KATNIP: variants seen among roughly 807,000 people sequenced by gnomAD.
The protein encoded by KATNIP is katanin interacting protein.
Under a neutral mutation model 174.0 loss-of-function variants are expected in KATNIP, and 126 were observed. That is an observed-to-expected ratio of 0.72 (90% CI 0.63 to 0.84). The LOEUF (loss-of-function observed/expected upper bound fraction) is 0.84. KATNIP is among the 40% of genes least tolerant of loss of function. The probability of loss-of-function intolerance (pLI) is 0.00; values close to 1 mark genes in which losing one functional copy is unlikely to be tolerated. For missense variants in KATNIP, 1,958 were observed against 2,109.7 expected (o/e 0.93, Z 1.41); for synonymous variants, 810 against 835.7 (o/e 0.97, Z 0.53).
chr16:27,723,505 A>G (rs998429202), intron 14 of KATNIP, among the ~76,000 whole-genome samples: 7 of 151,394 alleles, frequency 4.6e-5, no homozygotes, highest in African/African-American at 1.7e-4. Context: ...CTTCTCTGGG[A>G]CCTCATGAAC....
rs758276732 is a variant in KATNIP at position 27,740,565 on chromosome 16, A to G, written c.2268A>G (p.Gln756=). The G allele has an allele frequency of 5.0e-6, 8 of 1,613,914 alleles. No homozygotes were observed. The Admixed American group carries it at 8.3e-5, about 17-fold the overall frequency. The change falls in exon 15 of 28, where the codon CAA becomes CAG. Residue 756 remains glutamine, a synonymous_variant. Transcript: ENST00000261588. ...CCGGGAAAACCCCATCCTGGTTACA[A>G]CCTTCTCCCACCGGCAAGGACAGGA... is the stretch of plus-strand genomic sequence containing the variant. ...EPPGKTPSWL[Q]PSPTGKDRKQ... is the part of the protein sequence containing the mutation.
At chr16:27,768,186 G>T (rs995228030) in intron 20 of KATNIP, among the ~76,000 whole-genome samples, 1 of 152,190 alleles carries the variant, frequency 6.6e-6, no homozygotes, top group African/African-American at 2.4e-5. Context: ...AGGCCTTCCC[G>T]AGCACCAGGG....
At chr16:27,646,502 T>G (rs150848058) in intron 5 of KATNIP, among the ~76,000 whole-genome samples, 20 of 152,258 alleles carry the variant, frequency 1.3e-4, no homozygotes, top group Non-Finnish European at 2.8e-4. Context: ...GACTGAGAGT[T>G]GGGAGGAAAT....
In KATNIP at chr16:27,662,015, T is replaced by TAC. The variant is rs1380798766; in HGVS notation, c.540+13284_540+13285dup. On this transcript the variant is annotated intron_variant, in intron 6 of 27. Coordinates refer to ENST00000261588, the MANE Select transcript of KATNIP (RefSeq NM_015202.5). Reference sequence around the variant, plus strand: ...ATACATATATATATATATATATATATACACATACATATATATATATATATA... The same window carrying TAC: ...ATACATATATATATATATATATATATACACACATACATATATATATATATATA... Among the ~76,000 whole-genome samples the TAC allele has an allele frequency of 5.7e-4, 19 of 33,498 alleles. 8 individuals are homozygous for TAC. The East Asian group carries it at 7.6e-3, about 13-fold the overall frequency. 22.0% of individuals were successfully genotyped at this position (33,498 alleles called of 152,430 possible). A position where few individuals can be genotyped will look rare whatever the true frequency, so the allele number is the denominator to read the frequency against.
intron 2 of KATNIP, among the ~76,000 whole-genome samples, chr16:27,599,516 A>G (rs1430520584): frequency 2.6e-5 from 4 of 152,094 alleles, no homozygotes; most frequent in Non-Finnish European, 5.9e-5. Context: ...CCGTCCCTCC[A>G]ATGATGCAGG....
intron 6 of KATNIP, among the ~76,000 whole-genome samples, chr16:27,662,573 A>G (rs1422270526): frequency 2.6e-5 from 4 of 152,170 alleles, no homozygotes; most frequent in Non-Finnish European, 5.9e-5. Flanking sequence ...AATGATGCTG[A>G]ACAAGCACTA....
At chr16:27,626,237 T>C (rs1596980577) in intron 3 of KATNIP, among the ~76,000 whole-genome samples, 1 of 149,482 alleles carries the variant, frequency 6.7e-6, no homozygotes, top group East Asian at 2.0e-4. Flanking sequence ...CATGTTTCTA[T>C]AGAGTCTTCA....
chr16:27,743,857 C>T (rs571358745), intron 15 of KATNIP, among the ~76,000 whole-genome samples: 175 of 152,308 alleles, frequency 1.1e-3, no homozygotes, highest in African/African-American at 3.7e-3. Flanking sequence ...TCATCACCCA[C>T]CTGCCCCGGG....
chr16:27,611,251 T>A (rs926544394), intron 2 of KATNIP, among the ~76,000 whole-genome samples: 1 of 152,192 alleles, frequency 6.6e-6, no homozygotes, highest in Non-Finnish European at 1.5e-5. Flanking sequence ...TGATCGCATA[T>A]GCAAGGGGGC....
chr16:27,575,699 A>G (rs1162348278), intron 2 of KATNIP, among the ~76,000 whole-genome samples: 1 of 151,964 alleles, frequency 6.6e-6, no homozygotes, highest in African/African-American at 2.4e-5. Context: ...TGTGAGTTAC[A>G]TGACCTTCAC....
chr16:27,629,943 G>A (rs1596993261), intron 4 of KATNIP, among the ~76,000 whole-genome samples: 1 of 152,200 alleles, frequency 6.6e-6, no homozygotes, highest in Non-Finnish European at 1.5e-5. Flanking sequence ...GGCCCGGGAA[G>A]TCAAGGTTGC....
intron 2 of KATNIP, among the ~76,000 whole-genome samples, chr16:27,595,344 G>A (rs1003539699): frequency 1.1e-4 from 16 of 152,290 alleles, no homozygotes; most frequent in South Asian, 2.1e-4. Flanking sequence ...CTGAGATCAC[G>A]CCTGCACTCT....
At chr16:27,710,311 C>A (rs944561327) in intron 13 of KATNIP, among the ~76,000 whole-genome samples, 2 of 152,102 alleles carry the variant, frequency 1.3e-5, no homozygotes, top group Non-Finnish European at 2.9e-5. Context: ...GAGCCAAGAT[C>A]GTGCCACTAC....
intron 19 of KATNIP, 105 bp from the exon 20 acceptor site, chr16:27,766,204 C>A: frequency 8.2e-7 from 1 of 1,218,794 alleles, no homozygotes; most frequent in Non-Finnish European, 1.2e-6. Context: ...CAGGCTAGTG[C>A]CAGGCAGTGG....
Position 27,699,025 on chromosome 16 carries a change from G to T in KATNIP, c.1114-509G>T, listed in dbSNP as rs570446681. On this transcript the variant is annotated intron_variant, in intron 9 of 27. Coordinates refer to ENST00000261588, the MANE Select transcript of KATNIP (RefSeq NM_015202.5). ...CCAACAGGAGGATAAATGGTGGGTAGATCAGGGACCTTGGGGAGCTGGAGG... is the reference window on the plus strand; with the variant it reads ...CCAACAGGAGGATAAATGGTGGGTATATCAGGGACCTTGGGGAGCTGGAGG... Among the ~76,000 whole-genome samples the T allele has an allele frequency of 2.0e-5, 3 of 152,236 alleles. 1 individual carries two copies. Among genetic ancestry groups the T allele is most frequent in the Admixed American group, 1.3e-4 (2 of 15,292 alleles).
At chr16:27,650,633 G>A (rs1241007038) in intron 6 of KATNIP, among the ~76,000 whole-genome samples, 1 of 152,162 alleles carries the variant, frequency 6.6e-6, no homozygotes, top group South Asian at 2.1e-4. Flanking sequence ...AGATGGGAAT[G>A]CTGTCCAGGA....
chr16:27,777,742 C>T lies in KATNIP; in HGVS notation c.4684C>T (p.Arg1562Cys), dbSNP rs2082551440. The change falls in exon 26 of 28, where the codon CGC becomes TGC. Residue 1562 changes from arginine to cysteine, a missense_variant. Around this residue, in one of 3 missense-constraint regions of KATNIP, gnomAD observed 383 missense variants for 456.0 expected, o/e 0.84. Transcript: ENST00000261588. This position sits in a 1 kb window ranked among gnomAD's most constrained non-coding sequence, Gnocchi z 4.4. ...TILFTEDRDI[R>C]HQEKHTTISN... ...CCTCTTCACCGAGGACAGGGACATC[C>T]GCCACCAGGAGAAACACACCACCAT... The T allele has an allele frequency of 3.7e-6, 6 of 1,613,914 alleles. No individual in the cohort carries two copies. The highest frequency in any genetic ancestry group is 2.2e-5 in the South Asian group (2 of 91,032).
At chr16:27,692,961 G>A (rs2078787616) in intron 8 of KATNIP, among the ~76,000 whole-genome samples, 1 of 152,128 alleles carries the variant, frequency 6.6e-6, no homozygotes, top group African/African-American at 2.4e-5. Flanking sequence ...TCTATACTTT[G>A]GGGTGTTTTG....
At chr16:27,683,211 C>A in intron 8 of KATNIP, among the ~76,000 whole-genome samples, 1 of 152,168 alleles carries the variant, frequency 6.6e-6, no homozygotes, top group Admixed American at 6.5e-5. Context: ...GTACCAAGAC[C>A]CCTGTCCTAA....
Sources: gnomAD v4.1 joint callset for allele counts (sites outside exome capture counted in the v4.1 genomes callset) on GRCh38, gnomAD v4.1.1 for gene constraint, gnomAD v4.1.1 regional missense constraint, Gnocchi (gnomAD v3.1) non-coding constraint, MANE v1.5 for transcripts, NCBI Gene and HGNC (gene_info 2026-07-23, HGNC 2026-07-21) for gene names.